KDM2A: variants seen among roughly 807,000 people sequenced by gnomAD.
KDM2A encodes lysine-specific demethylase 2A.
A neutral mutation model predicts 137.3 loss-of-function variants in KDM2A; 3 were observed. The observed-to-expected ratio is 0.02, with a 90% CI of 0.01 to 0.06. The LOEUF is 0.06. Among genes scored for constraint, KDM2A ranks in the 10% least tolerant of loss-of-function variants. The pLI, the probability that KDM2A is intolerant of heterozygous loss-of-function variation, is 1.00. For missense variants in KDM2A, 738 were observed against 1,510.6 expected, an observed-to-expected ratio of 0.49 and a Z score of 8.48; for synonymous variants, 512 against 541.5, an observed-to-expected ratio of 0.95 and a Z score of 0.76.
At chr11:67,154,855 C>T (rs1856478481) in intron 2 of KDM2A, among the ~76,000 whole-genome samples, 1 of 152,138 alleles carries the variant, frequency 6.6e-6, no homozygotes, top group African/African-American at 2.4e-5. Context: ...CATCTTATTT[C>T]TTTTTATGGC....
At chr11:67,247,684 C>T (rs1008794122) in intron 15 of KDM2A, among the ~76,000 whole-genome samples, 57 of 151,998 alleles carry the variant, frequency 3.8e-4, no homozygotes, top group African/African-American at 1.4e-3. Context: ...CTTGGCCTCC[C>T]AAAGTGCTGG....
At chr11:67,135,889 A>T (rs1855960813) in intron 2 of KDM2A, among the ~76,000 whole-genome samples, 2 of 152,174 alleles carry the variant, frequency 1.3e-5, no homozygotes, top group Admixed American at 6.5e-5. Flanking sequence ...TAGAACTATG[A>T]ACTGATGTTT....
chr11:67,223,952 A>C (rs1313410569), intron 10 of KDM2A, among the ~76,000 whole-genome samples: 2 of 152,206 alleles, frequency 1.3e-5, no homozygotes, highest in African/African-American at 4.8e-5. Flanking sequence ...TCCGTGTAAG[A>C]GAGTCATTCT....
intron 13 of KDM2A, chr11:67,243,930 C>G (rs1243015769): frequency 1.3e-5 from 2 of 152,234 alleles, no homozygotes; most frequent in Admixed American, 6.5e-5. Context: ...ATACTGTCCT[C>G]TATCAAGGTT....
At chr11:67,123,109 A>G (rs1004698236) in intron 2 of KDM2A, among the ~76,000 whole-genome samples, 1 of 151,916 alleles carries the variant, frequency 6.6e-6, no homozygotes, top group East Asian at 1.9e-4. Context: ...AGCTGGGACT[A>G]CAGGCGTGTG....
chr11:67,248,253 T>A (rs1348459174), intron 15 of KDM2A, 28 bp from the exon 16 acceptor site: 2 of 1,515,456 alleles, frequency 1.3e-6, no homozygotes, highest in African/African-American at 2.7e-5. Context: ...AGAGACAGGC[T>A]TTTAAAAACA....
At chr11:67,159,611 A>G (rs1464117450) in intron 2 of KDM2A, among the ~76,000 whole-genome samples, 1 of 152,192 alleles carries the variant, frequency 6.6e-6, no homozygotes, top group Non-Finnish European at 1.5e-5. Flanking sequence ...TCCCATTGTA[A>G]TGGTACATTT....
chr11:67,139,496 C>T (rs908308346), intron 2 of KDM2A, among the ~76,000 whole-genome samples: 2 of 152,060 alleles, frequency 1.3e-5, no homozygotes, highest in South Asian at 2.1e-4. Flanking sequence ...TCGCCCACCT[C>T]GGCCCCCCAA....
intron 2 of KDM2A, among the ~76,000 whole-genome samples, chr11:67,171,763 G>A (rs1174971189): frequency 1.3e-5 from 2 of 152,080 alleles, no homozygotes; most frequent in African/African-American, 4.8e-5. Context: ...AGTGATCCTC[G>A]TGCCTTGGCC....
chr11:67,127,049 CT>C (rs1855747010), intron 2 of KDM2A, among the ~76,000 whole-genome samples: 1 of 152,082 alleles, frequency 6.6e-6, no homozygotes, highest in Admixed American at 6.6e-5. Flanking sequence ...TAGAAGCTTC[CT>C]TTTGATGCTG....
intron 11 of KDM2A, among the ~76,000 whole-genome samples, chr11:67,228,912 A>G (rs980695472): frequency 1.3e-5 from 2 of 152,012 alleles, no homozygotes; most frequent in African/African-American, 4.8e-5. Flanking sequence ...TTCTGTAGAG[A>G]TGAAGTCTTG....
intron 2 of KDM2A, among the ~76,000 whole-genome samples, chr11:67,167,343 A>G (rs1856769392): frequency 6.6e-6 from 1 of 152,186 alleles, no homozygotes; most frequent in African/African-American, 2.4e-5. Context: ...ACAGTTGATT[A>G]TACCTGATGG....
chr11:67,224,871 C>T (rs1403815026), intron 10 of KDM2A, among the ~76,000 whole-genome samples: 13 of 93,826 alleles, frequency 1.4e-4, no homozygotes, highest in African/African-American at 5.2e-4. Flanking sequence ...GACAGAGTTT[C>T]GCTGCTGTTG....
At chr11:67,200,250 C>T (rs11227732) in intron 5 of KDM2A, among the ~76,000 whole-genome samples, 4,821 of 151,944 alleles carry the variant, frequency 0.032, 123 homozygotes, top group African/African-American at 0.07. Flanking sequence ...GAGTCTCTCT[C>T]TGTTGCCCAG....
intron 2 of KDM2A, among the ~76,000 whole-genome samples, chr11:67,160,755 G>A (rs1332105146): frequency 6.6e-6 from 1 of 151,884 alleles, no homozygotes; most frequent in East Asian, 1.9e-4. Context: ...TGGGCAAAAA[G>A]AGTGAAACTC....
chr11:67,243,267 A>G (rs982831543), intron 13 of KDM2A, among the ~76,000 whole-genome samples, 175 bp downstream of exon 13: 1 of 152,192 alleles, frequency 6.6e-6, no homozygotes. Flanking sequence ...GTAATTGGCT[A>G]TCTTTGGAGG....
chr11:67,215,712 G>A, intron 7 of KDM2A, 144 bp from the exon 8 acceptor site: 2 of 716,460 alleles, frequency 2.8e-6, no homozygotes, highest in East Asian at 5.0e-5. Flanking sequence ...GTGATGACTT[G>A]AAAATGCATT....
Position 67,256,708 on chromosome 11 carries a change from A to G in KDM2A, c.*1653A>G, listed in dbSNP as rs1565430924. ...CTGCACCCTTGCCACTTCCAAAGCA[A>G]TAGAGGCAGAGTGGTCCCCTCTTTG... On this transcript the variant is annotated 3_prime_UTR_variant, in exon 21 of 21. Transcript: ENST00000529006. The G allele has an allele frequency of 6.5e-6, 1 of 152,674 alleles. No individual in the cohort carries two copies. The highest frequency in any genetic ancestry group is 1.5e-5 in the Non-Finnish European group (1 of 68,070). The allele number at this position is 152,674 out of a possible 1,614,324, so 9.5% of individuals were successfully genotyped here.
chr11:67,240,413 G>GT (rs1351284957), intron 12 of KDM2A: 1 of 1,491,710 alleles, frequency 6.7e-7, no homozygotes, highest in Admixed American at 2.1e-5. Flanking sequence ...TGGGGTGCGT[G>GT]TAACTATAGG....
Sources: gnomAD v4.1 joint callset for allele counts (sites outside exome capture counted in the v4.1 genomes callset) on GRCh38, gnomAD v4.1.1 for gene constraint, MANE v1.5 for transcripts, NCBI Gene and HGNC (gene_info 2026-07-23, HGNC 2026-07-21) for gene names.